Variants in GRIK4 observed in about 807,000 individuals in gnomAD.
GRIK4 encodes glutamate ionotropic receptor kainate type subunit 4, also known as glutamate receptor ionotropic, kainate 4.
In GRIK4, 40 loss-of-function variants were observed where a neutral mutation model predicts 104.9. The observed-to-expected ratio is 0.38, with a 90% CI of 0.30 to 0.50. The LOEUF is 0.50. Among genes scored for constraint, GRIK4 ranks in the 20% least tolerant of loss-of-function variants. The probability of loss-of-function intolerance (pLI) is 0.93; values close to 1 mark genes in which losing one functional copy is unlikely to be tolerated. For synonymous variants in GRIK4, 485 were observed against 524.9 expected (o/e 0.92, Z 1.04); for missense variants, 1,047 against 1,308.1 (o/e 0.80, Z 3.08).
At chr11:120,521,663 C>G (rs943457250) in intron 1 of GRIK4, among the ~76,000 whole-genome samples, 5 of 152,182 alleles carry the variant, frequency 3.3e-5, no homozygotes, top group African/African-American at 1.2e-4. Context: ...CTGGGAACAC[C>G]TGCTATTCCC....
chr11:120,558,313 C>T (rs1948207023), intron 1 of GRIK4, among the ~76,000 whole-genome samples: 1 of 152,180 alleles, frequency 6.6e-6, no homozygotes, highest in Non-Finnish European at 1.5e-5. Flanking sequence ...TCAGGCTGTG[C>T]ACGGTGGCTC....
chr11:120,766,656 T>C (rs569424968), intron 3 of GRIK4, among the ~76,000 whole-genome samples: 1 of 152,192 alleles, frequency 6.6e-6, no homozygotes, highest in Non-Finnish European at 1.5e-5. Context: ...GGGCCAAATA[T>C]CACCGTCCCT....
At position 120,962,587 on chromosome 11, in the gene GRIK4, C is replaced by T. The variant is rs1293484187; in HGVS notation, c.2172C>T (p.Ser724=). ...CCAACTACGCCTTCCTCCTGGAATCCACCATGAACGAGTACTATCGGCAGC... is the reference window on the plus strand; with the variant it reads ...CCAACTACGCCTTCCTCCTGGAATCTACCATGAACGAGTACTATCGGCAGC... ...LNSNYAFLLE[S]TMNEYYRQRN... is the part of the protein sequence containing the mutation. The change falls in exon 18 of 21, where the codon TCC becomes TCT. Residue 724 remains serine, a synonymous_variant. Coordinates refer to ENST00000527524, the MANE Select transcript of GRIK4 (RefSeq NM_014619.5). 14 of 1,614,072 alleles carry T rather than the reference C, an allele frequency of 8.7e-6. No individual in the cohort carries two copies. The highest frequency in any genetic ancestry group is 1.7e-5 in the Admixed American group (1 of 60,018).
At chr11:120,668,147 ATAAGTAGG>A (rs750837549) in intron 3 of GRIK4, among the ~76,000 whole-genome samples, 1 of 146,294 alleles carries the variant, frequency 6.8e-6, no homozygotes, top group Non-Finnish European at 1.5e-5. Flanking sequence ...AGATAGATAG[ATAAGTAGG>A]TAGATAAGTA....
chr11:120,835,550 A>AAACAAAC (rs1953554141), intron 7 of GRIK4, among the ~76,000 whole-genome samples: 1 of 89,228 alleles, frequency 1.1e-5, no homozygotes, highest in South Asian at 3.8e-4. Context: ...AACAAACAAA[A>AAACAAAC]AAAGAAGCTC....
intron 1 of GRIK4, among the ~76,000 whole-genome samples, chr11:120,550,183 G>C (rs1948125281): frequency 1.3e-5 from 2 of 152,020 alleles, no homozygotes; most frequent in Admixed American, 6.5e-5. Context: ...ACCCAGGGGT[G>C]GTGGCAGAGC....
At chr11:120,855,491 G>T (rs1369607537) in intron 8 of GRIK4, among the ~76,000 whole-genome samples, 2 of 151,922 alleles carry the variant, frequency 1.3e-5, no homozygotes, top group African/African-American at 4.8e-5. Context: ...ATGGTTGGAA[G>T]ATCTGGAACT....
At chr11:120,765,066 C>T (rs1951810090) in intron 3 of GRIK4, among the ~76,000 whole-genome samples, 1 of 152,152 alleles carries the variant, frequency 6.6e-6, no homozygotes, top group African/African-American at 2.4e-5. Flanking sequence ...AACTTGATTC[C>T]ATTCTCCCCG....
chr11:120,543,279 A>G (rs1948054655), intron 1 of GRIK4, among the ~76,000 whole-genome samples: 1 of 151,892 alleles, frequency 6.6e-6, no homozygotes, highest in South Asian at 2.1e-4. Flanking sequence ...CAACAAAAAC[A>G]AAAACAAAAA....
At chr11:120,966,184 G>A (rs1239745103) in intron 18 of GRIK4, among the ~76,000 whole-genome samples, 2 of 152,020 alleles carry the variant, frequency 1.3e-5, no homozygotes, top group Admixed American at 6.5e-5. Context: ...GGAGGACTGG[G>A]AGAAACAGGG....
At chr11:120,865,273 C>T (rs4935755) in intron 9 of GRIK4, among the ~76,000 whole-genome samples, 66,830 of 151,818 alleles carry the variant, frequency 0.44, 14,882 homozygotes, top group African/African-American at 0.54. Context: ...TAGGCATTAT[C>T]AAATATATCA....
At chr11:120,792,110 C>T (rs1380375332) in intron 3 of GRIK4, among the ~76,000 whole-genome samples, 1 of 152,170 alleles carries the variant, frequency 6.6e-6, no homozygotes, top group Non-Finnish European at 1.5e-5. Flanking sequence ...GGTGCACTTG[C>T]TCAGCCTCTG....
intron 1 of GRIK4, among the ~76,000 whole-genome samples, chr11:120,573,599 G>C (rs1436685517): frequency 6.6e-6 from 1 of 152,220 alleles, no homozygotes; most frequent in Admixed American, 6.5e-5. Flanking sequence ...CAGAGTTGGA[G>C]CACTTGGGAC....
chr11:120,960,838 G>GA lies in GRIK4; in HGVS notation c.1875-70dup, dbSNP rs559394460. ...CCTGGTCTCTCCCATGTCACAGCAG[G>GA]ACTGGGGTCAGGGGCCAAGACTCCA... On this transcript the variant is annotated intron_variant, in intron 16 of 20. Transcript: ENST00000527524. The GA allele has an allele frequency of 6.2e-4, 752 of 1,213,108 alleles. 8 individuals are homozygous for GA. The South Asian group carries it at 9.8e-3, about 16-fold the overall frequency. The allele number at this position is 1,213,108 out of a possible 1,614,324, so 75.1% of individuals were successfully genotyped here.
chr11:120,715,376 C>A (rs747383721), intron 3 of GRIK4, among the ~76,000 whole-genome samples: 1 of 152,116 alleles, frequency 6.6e-6, no homozygotes, highest in African/African-American at 2.4e-5. Flanking sequence ...TGTCGGAAAG[C>A]GGTGGGTCGT....
intron 3 of GRIK4, among the ~76,000 whole-genome samples, chr11:120,695,274 C>T (rs1950424982): frequency 6.6e-6 from 1 of 152,224 alleles, no homozygotes; most frequent in African/African-American, 2.4e-5. Context: ...TTCAGCCACC[C>T]ATGGAGCCCA....
intron 1 of GRIK4, among the ~76,000 whole-genome samples, chr11:120,535,617 C>T (rs865793722): frequency 3.9e-5 from 6 of 152,038 alleles, no homozygotes; most frequent in African/African-American, 9.7e-5. Context: ...CAGGACAGCT[C>T]GGGATCCCGG....
chr11:120,803,161 G>A (rs1196094451), intron 4 of GRIK4, among the ~76,000 whole-genome samples: 1 of 152,204 alleles, frequency 6.6e-6, no homozygotes, highest in Non-Finnish European at 1.5e-5. Context: ...ACAAGTTCCT[G>A]AATGAAATCT....
At chr11:120,830,529 C>G (rs767689924) in intron 6 of GRIK4, among the ~76,000 whole-genome samples, 11 of 152,114 alleles carry the variant, frequency 7.2e-5, no homozygotes, top group Non-Finnish European at 1.2e-4. Context: ...AAGCCATCCC[C>G]GAGTTGAATA....
Sources: allele counts gnomAD v4.1 joint callset (sites outside exome capture counted in the v4.1 genomes callset), GRCh38; gene constraint gnomAD v4.1.1; transcripts MANE v1.5; gene names NCBI Gene and HGNC (gene_info 2026-07-23, HGNC 2026-07-21).